HIVEP3: variants seen among roughly 807,000 people sequenced by gnomAD.
HIVEP3 encodes the protein transcription factor HIVEP3.
HIVEP3 carries 49 observed loss-of-function variants against 152.8 expected under a neutral mutation model. The ratio of observed to expected loss-of-function variants is 0.32; its 90% CI spans 0.26 to 0.41. The LOEUF is 0.41. Ranked by LOEUF, HIVEP3 falls within the 10% of genes least tolerant of loss-of-function variation. The probability of loss-of-function intolerance (pLI) is 1.00; values close to 1 mark genes in which losing one functional copy is unlikely to be tolerated. For synonymous variants in HIVEP3, 1,269 were observed against 1,289.0 expected, an observed-to-expected ratio of 0.98 and a Z score of 0.33; for missense variants, 2,790 against 3,103.3, an observed-to-expected ratio of 0.90 and a Z score of 2.40.
chr1:41,522,136 G>A (rs989507618), intron 6 of HIVEP3, among the ~76,000 whole-genome samples: 2 of 152,236 alleles, frequency 1.3e-5, no homozygotes, highest in African/African-American at 4.8e-5. Flanking sequence ...GGGCAGGCCT[G>A]GAGGTGGCCC....
At chr1:41,802,019 T>C (rs1362570156) in intron 1 of HIVEP3, among the ~76,000 whole-genome samples, 1 of 152,148 alleles carries the variant, frequency 6.6e-6, no homozygotes, top group Admixed American at 6.5e-5. Flanking sequence ...AAGCAAGGTG[T>C]CCAAATGTAA....
At chr1:41,796,108 A>G (rs114423284) in intron 1 of HIVEP3, among the ~76,000 whole-genome samples, 2,158 of 152,318 alleles carry the variant, frequency 0.014, 23 homozygotes, top group Non-Finnish European at 0.023. Context: ...GTATACTTCT[A>G]TCTGTACGTA....
intron 2 of HIVEP3, among the ~76,000 whole-genome samples, chr1:41,693,762 C>T (rs1198897237): frequency 6.6e-6 from 1 of 152,114 alleles, no homozygotes; most frequent in Non-Finnish European, 1.5e-5. Flanking sequence ...CTTTTAGTAT[C>T]ATTATGGTTT....
rs187972107 is a variant in HIVEP3 at position 41,723,283 on chromosome 1, G to A, written c.-800-22288C>T. On this transcript the variant is annotated intron_variant, in intron 1 of 8. Transcript: ENST00000372583. ...TTGGGGGTTGGGGGATCAGGAATGA[G>A]CCCTGAGTTTGGGTCATCTCATCCC... is the stretch of plus-strand genomic sequence containing the variant. Among the ~76,000 whole-genome samples, 269 of 152,144 alleles carry A rather than the reference G, an allele frequency of 1.8e-3. 2 individuals carry two copies. Among genetic ancestry groups the A allele is most frequent in the Non-Finnish European group, 3.2e-3 (220 of 67,986 alleles).
chr1:41,756,979 T>A (rs929312978), intron 1 of HIVEP3, among the ~76,000 whole-genome samples: 4 of 152,034 alleles, frequency 2.6e-5, no homozygotes, highest in Non-Finnish European at 5.9e-5. Flanking sequence ...CAGTGGCTCA[T>A]GCCTGTAATC....
intron 1 of HIVEP3, among the ~76,000 whole-genome samples, chr1:41,780,506 TTGCCTGTCTTAAAG>T (rs542247489): frequency 8.0e-4 from 122 of 152,322 alleles, no homozygotes; most frequent in African/African-American, 2.8e-3. Context: ...GGGATGCTCC[TTGCCTGTCTTAAAG>T]TGGCCATGGT....
chr1:42,005,490 G>C (rs979198440), intron 1 of HIVEP3, among the ~76,000 whole-genome samples: 1 of 152,084 alleles, frequency 6.6e-6, no homozygotes, highest in East Asian at 1.9e-4. Context: ...GCAAATTCCA[G>C]GATAAACCTT....
intron 1 of HIVEP3, among the ~76,000 whole-genome samples, chr1:41,852,268 G>A (rs1570668791): frequency 6.6e-6 from 1 of 152,256 alleles, no homozygotes. Context: ...GCCCCGTGGG[G>A]CTGCCAGCAG....
At chr1:41,983,661 C>T (rs189763579) in intron 1 of HIVEP3, among the ~76,000 whole-genome samples, 28 of 152,050 alleles carry the variant, frequency 1.8e-4, no homozygotes, top group Admixed American at 1.2e-3. Flanking sequence ...CCTAAGTGGC[C>T]GACTCACCAG....
chr1:41,946,905 A>G (rs1645078264), intron 1 of HIVEP3, among the ~76,000 whole-genome samples: 1 of 152,014 alleles, frequency 6.6e-6, no homozygotes, highest in African/African-American at 2.4e-5. Context: ...CAGAAACCCA[A>G]CGGACAGTGG....
intron 1 of HIVEP3, among the ~76,000 whole-genome samples, chr1:41,754,513 G>C (rs998251010): frequency 6.6e-6 from 1 of 152,218 alleles, no homozygotes; most frequent in Non-Finnish European, 1.5e-5. Flanking sequence ...TTTCTGCAGA[G>C]CGATGCCTGC....
chr1:41,994,715 A>C (rs1363470582), intron 1 of HIVEP3, among the ~76,000 whole-genome samples: 3 of 152,204 alleles, frequency 2.0e-5, no homozygotes, highest in African/African-American at 7.2e-5. Context: ...TAAATTACCC[A>C]GTCTCAAGTA....
intron 3 of HIVEP3, among the ~76,000 whole-genome samples, chr1:41,628,494 C>T (rs913714965): frequency 2.1e-4 from 32 of 152,172 alleles, no homozygotes; most frequent in African/African-American, 7.5e-4. Context: ...AACTGAGGTA[C>T]TGGGAGGGGG....
chr1:41,553,334 T>C (rs1643917049), intron 5 of HIVEP3, among the ~76,000 whole-genome samples: 1 of 152,220 alleles, frequency 6.6e-6, no homozygotes, highest in Non-Finnish European at 1.5e-5. Context: ...TGCTTTTTTT[T>C]CGCTTTCCAT....
At chr1:41,608,199 C>A (rs980371857) in intron 3 of HIVEP3, among the ~76,000 whole-genome samples, 2 of 152,174 alleles carry the variant, frequency 1.3e-5, no homozygotes, top group Non-Finnish European at 2.9e-5. Context: ...TGGAAAGGTT[C>A]CCTGCAGGAG....
At chr1:41,576,496 T>C (rs926759878) in intron 4 of HIVEP3, among the ~76,000 whole-genome samples, 1 of 152,202 alleles carries the variant, frequency 6.6e-6, no homozygotes, top group African/African-American at 2.4e-5. Context: ...GGTGCACTTT[T>C]GCCTAGGGAG....
At chr1:41,854,078 T>A (rs1411121604) in intron 1 of HIVEP3, among the ~76,000 whole-genome samples, 1 of 152,202 alleles carries the variant, frequency 6.6e-6, no homozygotes, top group Non-Finnish European at 1.5e-5. Flanking sequence ...GGGCCACCTG[T>A]TGTCCTCTTG....
At chr1:41,530,424 C>G (rs1643211501) in intron 5 of HIVEP3, among the ~76,000 whole-genome samples, 1 of 152,240 alleles carries the variant, frequency 6.6e-6, no homozygotes, top group Non-Finnish European at 1.5e-5. Flanking sequence ...ACACCTGGAT[C>G]TTAATTCCCA....
intron 1 of HIVEP3, among the ~76,000 whole-genome samples, chr1:41,964,238 T>G (rs1645185711): frequency 6.6e-6 from 1 of 152,090 alleles, no homozygotes; most frequent in Non-Finnish European, 1.5e-5. Flanking sequence ...TGGGACTGAC[T>G]AGGCAGTTGA....
Sources: gnomAD v4.1 joint callset for allele counts (sites outside exome capture counted in the v4.1 genomes callset) on GRCh38, gnomAD v4.1.1 for gene constraint, MANE v1.5 for transcripts, NCBI Gene and HGNC (gene_info 2026-07-23, HGNC 2026-07-21) for gene names.